Variants in RIC1 observed in about 807,000 individuals in gnomAD.
The protein encoded by RIC1 is RIC1 partner of RAB6A GEF complex.
In RIC1, 88 loss-of-function variants were observed where a neutral mutation model predicts 169.0. The ratio of observed to expected loss-of-function variants is 0.52; its 90% CI spans 0.44 to 0.62. RIC1 has a LOEUF of 0.62. Ranked by LOEUF, RIC1 falls within the 20% of genes least tolerant of loss-of-function variation. RIC1 has a pLI of 0.00. For missense variants in RIC1, 1,877 were observed against 1,725.5 expected, an observed-to-expected ratio of 1.09 and a Z score of -1.56; for synonymous variants, 790 against 601.5, an observed-to-expected ratio of 1.31 and a Z score of -4.59.
At chr9:5,743,809 T>G in intron 10 of RIC1, 72 bp downstream of exon 10, 3 of 1,151,646 alleles carry the variant, frequency 2.6e-6, no homozygotes, top group Non-Finnish European at 3.8e-6. Context: ...TTTCACTCAT[T>G]TTTATTTATT....
chr9:5,675,161 A>T (rs566487253), intron 2 of RIC1, among the ~76,000 whole-genome samples: 1 of 152,294 alleles, frequency 6.6e-6, no homozygotes, highest in South Asian at 2.1e-4. Context: ...GTTAGACCGC[A>T]CAGGCTAAAC....
rs867964122 is a variant in RIC1 at position 5,757,200 on chromosome 9, T to G, written c.1854-113T>G. ...TATATGGGGAGAAGATGATAGGTAG[T>G]AAGACATCTGAGTCTTCCATAAGCA... On this transcript the variant is annotated intron_variant, in intron 16 of 25. Coordinates refer to ENST00000414202, the MANE Select transcript of RIC1 (RefSeq NM_020829.4). 27 of 1,211,550 alleles carry G rather than the reference T, an allele frequency of 2.2e-5. No individual in the cohort carries two copies. The Middle Eastern group carries it at 1.4e-3, about 63-fold the overall frequency. 75.0% of individuals were successfully genotyped at this position (1,211,550 alleles called of 1,614,324 possible).
At chr9:5,759,078 C>T (rs1826183518) in intron 17 of RIC1, among the ~76,000 whole-genome samples, 1 of 152,086 alleles carries the variant, frequency 6.6e-6, no homozygotes, top group Admixed American at 6.5e-5. Flanking sequence ...TGGTTTTCTC[C>T]TTTAAAATAT....
At chr9:5,732,656 G>T (rs1157303661) in intron 7 of RIC1, among the ~76,000 whole-genome samples, 177 bp downstream of exon 7, 1 of 152,024 alleles carries the variant, frequency 6.6e-6, no homozygotes, top group Non-Finnish European at 1.5e-5. Flanking sequence ...ACAAACAAAA[G>T]TAAAGGGCAG....
chr9:5,698,024 T>G (rs1381243580), intron 3 of RIC1, among the ~76,000 whole-genome samples: 1 of 152,194 alleles, frequency 6.6e-6, no homozygotes, highest in African/African-American at 2.4e-5. Flanking sequence ...TAAGTTATGT[T>G]GCAAGGAAAA....
intron 3 of RIC1, among the ~76,000 whole-genome samples, chr9:5,700,885 C>T (rs1345727661): frequency 6.6e-6 from 1 of 152,146 alleles, no homozygotes; most frequent in African/African-American, 2.4e-5. Flanking sequence ...ACAAAGACAA[C>T]TGCAAGTTAT....
chr9:5,760,581 G>A (rs766202928), intron 17 of RIC1, among the ~76,000 whole-genome samples: 1 of 152,116 alleles, frequency 6.6e-6, no homozygotes, highest in Non-Finnish European at 1.5e-5. Context: ...TTTTGCTGCA[G>A]GTGTTTGTCT....
In RIC1 at chr9:5,773,890, C is replaced by T. The variant is rs547410953; in HGVS notation, c.3984-68C>T. 4.2e-4 allele frequency: 579 copies of T among 1,377,912 alleles called. 1 individual carries two copies. Among genetic ancestry groups the T allele is most frequent in the Non-Finnish European group, 4.3e-4 (433 of 1,009,978 alleles). 85.4% of individuals were successfully genotyped at this position (1,377,912 alleles called of 1,614,324 possible). A position where few individuals can be genotyped will look rare whatever the true frequency, so the allele number is the denominator to read the frequency against. ...ACCATATCAATGTTCAGTAGAAGTT[C>T]ACCCGTAATGTTCTACCAAACCTTT... On this transcript the variant is annotated intron_variant, in intron 25 of 25. Transcript: ENST00000414202.
At chr9:5,725,932 A>G (rs910176708) in intron 6 of RIC1, among the ~76,000 whole-genome samples, 1 of 152,154 alleles carries the variant, frequency 6.6e-6, no homozygotes, top group Admixed American at 6.5e-5. Flanking sequence ...ACAGTTGGTT[A>G]TAATTTCTGG....
At chr9:5,683,598 C>T (rs184917711) in intron 2 of RIC1, among the ~76,000 whole-genome samples, 1 of 152,284 alleles carries the variant, frequency 6.6e-6, no homozygotes, top group Admixed American at 6.5e-5. Context: ...GGGTCAGGGA[C>T]CCACTTGAGG....
intron 2 of RIC1, among the ~76,000 whole-genome samples, chr9:5,677,390 G>A (rs1204749573): frequency 6.6e-6 from 1 of 151,994 alleles, no homozygotes; most frequent in African/African-American, 2.4e-5. Context: ...ATTTCTTGTT[G>A]TTAAGTTCAT....
intron 2 of RIC1, among the ~76,000 whole-genome samples, chr9:5,683,833 C>T (rs912132396): frequency 2.6e-5 from 4 of 152,224 alleles, no homozygotes; most frequent in African/African-American, 9.6e-5. Flanking sequence ...CCTACTCAAG[C>T]CTCGGGAATG....
intron 4 of RIC1, among the ~76,000 whole-genome samples, chr9:5,716,046 GT>G (rs1823223343): frequency 6.6e-6 from 1 of 152,040 alleles, no homozygotes; most frequent in Non-Finnish European, 1.5e-5. Context: ...GTTTCACCAT[GT>G]TGTTGAGGCT....
chr9:5,728,888 A>G (rs940330135), intron 6 of RIC1, among the ~76,000 whole-genome samples: 4 of 152,218 alleles, frequency 2.6e-5, no homozygotes, highest in African/African-American at 4.8e-5. Context: ...TAAAATTAAA[A>G]TAATTTATTG....
In RIC1 at chr9:5,754,032, A is replaced by G. The variant is rs547882363; in HGVS notation, c.1602+386A>G. On this transcript the variant is annotated intron_variant, in intron 14 of 25. Transcript: ENST00000414202. ...TGGGATAGTGAGTGTGCGTGTGTGT[A>G]TGTGTATGTGTGTGTACATATACGC... Among the ~76,000 whole-genome samples the G allele has an allele frequency of 2.6e-5, 4 of 152,182 alleles. No homozygotes were observed. In the East Asian group the frequency reaches 7.7e-4, roughly 29 times the overall value.
At chr9:5,711,240 G>A (rs909189124) in intron 3 of RIC1, among the ~76,000 whole-genome samples, 1 of 152,034 alleles carries the variant, frequency 6.6e-6, no homozygotes, top group Non-Finnish European at 1.5e-5. Flanking sequence ...AATCTAAAAG[G>A]ACATGTCCCC....
chr9:5,753,358 A>G, intron 13 of RIC1, 120 bp downstream of exon 13: 1 of 932,732 alleles, frequency 1.1e-6, no homozygotes, highest in Middle Eastern at 2.1e-4. Flanking sequence ...CTATTGTAAC[A>G]TTGCTAGTAT....
chr9:5,710,773 C>T (rs773981954), intron 3 of RIC1, among the ~76,000 whole-genome samples: 8 of 151,908 alleles, frequency 5.3e-5, no homozygotes, highest in African/African-American at 9.7e-5. Context: ...TTTAAGAAAA[C>T]GGGGGGAGTG....
At chr9:5,750,199 A>C (rs563483595) in intron 12 of RIC1, among the ~76,000 whole-genome samples, 1 of 152,000 alleles carries the variant, frequency 6.6e-6, no homozygotes, top group Non-Finnish European at 1.5e-5. Flanking sequence ...AATTTTACAG[A>C]ACACAAAGTT....
Sources: gnomAD v4.1 joint callset for allele counts (sites outside exome capture counted in the v4.1 genomes callset) on GRCh38, gnomAD v4.1.1 for gene constraint, MANE v1.5 for transcripts, NCBI Gene and HGNC (gene_info 2026-07-23, HGNC 2026-07-21) for gene names.